The following MYH11 variants were observed in gnomAD, a reference collection of about 807,000 sequenced individuals.
MYH11 encodes the protein myosin-11.
In MYH11, 80 loss-of-function variants were observed where a neutral mutation model predicts 246.6. The observed-to-expected ratio is 0.32, with a 90% CI of 0.27 to 0.39. MYH11 has a LOEUF of 0.39. Among genes scored for constraint, MYH11 ranks in the 10% least tolerant of loss-of-function variants. The probability of loss-of-function intolerance (pLI) is 1.00; values close to 1 mark genes in which losing one functional copy is unlikely to be tolerated. For missense variants in MYH11, 2,158 were observed against 2,546.8 expected (o/e 0.85, Z 3.29); for synonymous variants, 1,071 against 1,015.5 (o/e 1.05, Z -1.04).
intron 4 of MYH11, among the ~76,000 whole-genome samples, chr16:15,787,953 G>A (rs891556237): frequency 6.6e-6 from 1 of 151,920 alleles, no homozygotes; most frequent in Non-Finnish European, 1.5e-5. Context: ...TCTCAGCCAA[G>A]TATCTAAGAA....
At chr16:15,833,027 A>G (rs1168864246) in intron 2 of MYH11, among the ~76,000 whole-genome samples, 2 of 124,608 alleles carry the variant, frequency 1.6e-5, no homozygotes, top group Admixed American at 1.1e-4. Flanking sequence ...CAGTGGCACA[A>G]TATCATGCCT....
rs1376376626 is a variant in MYH11 at position 15,759,598 on chromosome 16, A to G, written c.1379T>C (p.Ile460Thr). 1 of 1,614,144 alleles carries G rather than the reference A, an allele frequency of 6.2e-7. No individual in the cohort carries two copies. Reference protein sequence around the residue: ...QGASFLGILDIAGFEIFEVNS... With the variant: ...QGASFLGILDTAGFEIFEVNS... ...TACCTCAAAGATCTCAAATCCAGCT[A>G]TATCCAGGATCCCCAGGAAGGAAGC... The change falls in exon 12 of 41, where the codon ATA (isoleucine) becomes ACA (threonine). Residue 460 changes from isoleucine (I) to threonine (T), a missense_variant. Ile to Thr is a moderately conservative substitution (Grantham distance 89). Coordinates refer to ENST00000300036, the MANE Select transcript of MYH11 (RefSeq NM_002474.3).
rs561418271 is a variant in MYH11, at chr16:15,827,106, C to A, written c.346-3695G>T. On this transcript the variant is annotated intron_variant, in intron 2 of 40. Transcript: ENST00000300036. ...GTCAACATATGCCTGTCTAAATAGC[C>A]ATCAACCATTTACTGAGCACCTACT... Among the ~76,000 whole-genome samples the A allele has an allele frequency of 2.1e-4, 32 of 152,022 alleles. No individual in the cohort carries two copies. In the East Asian group the frequency reaches 6.0e-3, roughly 28 times the overall value.
chr16:15,762,038 A>G (rs1341090084), intron 10 of MYH11, among the ~76,000 whole-genome samples: 1 of 152,216 alleles, frequency 6.6e-6, no homozygotes. Flanking sequence ...GCAGTGGCAC[A>G]ATCTCGGCGC....
intron 25 of MYH11, 29 bp downstream of exon 25, chr16:15,737,412 TGGACACAC>T: frequency 1.2e-6 from 2 of 1,606,378 alleles, no homozygotes; most frequent in Non-Finnish European, 1.7e-6. Flanking sequence ...AGGGGATACA[TGGACACAC>T]AGCAAATGCC....
rs141548473 is a variant in MYH11, at chr16:15,837,445, T to C, written c.345+463A>G. Among the ~76,000 whole-genome samples, 1,237 of 152,002 alleles carry C rather than the reference T, an allele frequency of 8.1e-3. 6 individuals carry two copies. The highest frequency in any genetic ancestry group is 0.011 in the Non-Finnish European group (736 of 67,992). ...AAAACCAAGGCTTCGAGAGAGGAAA[T>C]AACCTCTTCAAGGGCTGAGATGTGA... On this transcript the variant is annotated intron_variant, in intron 2 of 40. Transcript: ENST00000300036.
chr16:15,710,186 G>A (rs2039699817), intron 40 of MYH11, among the ~76,000 whole-genome samples: 1 of 152,198 alleles, frequency 6.6e-6, no homozygotes. Context: ...AGGCTCAAGT[G>A]TCTGGGGCAG....
intron 16 of MYH11, 81 bp from the exon 17 acceptor site, chr16:15,748,249 A>G: frequency 6.3e-7 from 1 of 1,594,538 alleles, no homozygotes; most frequent in Non-Finnish European, 8.5e-7. Flanking sequence ...TACCTGGATG[A>G]CCCACCTGGC....
chr16:15,802,810 G>A (rs900476839), intron 3 of MYH11, among the ~76,000 whole-genome samples: 8 of 152,108 alleles, frequency 5.3e-5, no homozygotes, highest in African/African-American at 1.9e-4. Flanking sequence ...TTGAGATGAG[G>A]TCATCCTGGC....
rs370512756 is a variant in MYH11 at position 15,741,866 on chromosome 16, C to T, written c.2546G>A (p.Arg849Gln). 1.9e-6 allele frequency: 3 copies of T among 1,614,204 alleles called. No individual in the cohort carries two copies. The highest frequency in any genetic ancestry group is 1.7e-6 in the Non-Finnish European group (2 of 1,180,040). Residue 849 changes from arginine to glutamine, a missense_variant, in exon 21 of 41, where the codon CGG becomes CAG. Arg to Gln is a conservative substitution (Grantham distance 43, BLOSUM62 1). Around this residue, in one of 11 missense-constraint regions of MYH11, gnomAD observed 90 missense variants for 144.2 expected, o/e 0.62. Transcript: ENST00000300036. ...TKVKPLLQVT[R>Q]QEEEMQAKED... Reference sequence around the variant, plus strand: ...CTTGGCCTGCATCTCCTCCTCCTGCCGTGTCACCTGCAGCAGTGGCTTCAC... The same window carrying T: ...CTTGGCCTGCATCTCCTCCTCCTGCTGTGTCACCTGCAGCAGTGGCTTCAC...
At chr16:15,817,521 G>A (rs748152187) in intron 3 of MYH11, among the ~76,000 whole-genome samples, 2 of 152,166 alleles carry the variant, frequency 1.3e-5, no homozygotes, top group East Asian at 1.9e-4. Flanking sequence ...AAAAAAAAAG[G>A]GGGGGAGAAT....
At chr16:15,802,067 T>C (rs1226225454) in intron 3 of MYH11, among the ~76,000 whole-genome samples, 1 of 152,180 alleles carries the variant, frequency 6.6e-6, no homozygotes, top group Admixed American at 6.5e-5. Context: ...CCTGGTTATG[T>C]TTGTGCTATG....
At chr16:15,792,809 C>T (rs1220342380) in intron 4 of MYH11, 3 of 152,006 alleles carry the variant, frequency 2.0e-5, no homozygotes, top group Non-Finnish European at 2.9e-5. Flanking sequence ...GGCTCAGTGC[C>T]AACTTTCTGC....
chr16:15,732,604 G>T lies in MYH11; in HGVS notation c.3611C>A (p.Ala1204Glu). 1.9e-6 allele frequency: 3 copies of T among 1,614,194 alleles called. No homozygotes were observed. Among genetic ancestry groups the T allele is most frequent in the Non-Finnish European group, 2.5e-6 (3 of 1,180,044 alleles). ...AAGCTGCTCTGTGAGCTCCTCCACC[G>T]CCTGTGCGTGTTTCTGCCTCATCTC... ...VQEMRQKHAQ[A>E]VEELTEQLEQ... The change falls in exon 27 of 41, where the codon GCG becomes GAG. Residue 1204 changes from alanine to glutamate, a missense_variant. Transcript: ENST00000300036.
intron 1 of MYH11, among the ~76,000 whole-genome samples, chr16:15,847,009 A>G (rs1036981278): frequency 6.6e-6 from 1 of 152,072 alleles, no homozygotes; most frequent in African/African-American, 2.4e-5. Context: ...TTGCACATCA[A>G]GCGTACTTTT....
chr16:15,711,588 G>T (rs1053469912), intron 40 of MYH11, among the ~76,000 whole-genome samples: 1 of 152,174 alleles, frequency 6.6e-6, no homozygotes, highest in Non-Finnish European at 1.5e-5. Context: ...GGTATTAAAG[G>T]TAGTAAGAGG....
intron 8 of MYH11, 55 bp from the exon 9 acceptor site, chr16:15,771,767 A>G (rs1461085583): frequency 4.4e-6 from 7 of 1,603,778 alleles, no homozygotes; most frequent in Non-Finnish European, 5.1e-6. Context: ...TAATTTCAAC[A>G]TGAGACCGAG....
At chr16:15,851,399 G>C (rs928253752) in intron 1 of MYH11, among the ~76,000 whole-genome samples, 2 of 152,148 alleles carry the variant, frequency 1.3e-5, no homozygotes, top group Non-Finnish European at 2.9e-5. Flanking sequence ...CGCTCTGTAA[G>C]GTGGCATCAC....
intron 1 of MYH11, among the ~76,000 whole-genome samples, chr16:15,843,906 C>A (rs955001461): frequency 6.6e-6 from 1 of 152,006 alleles, no homozygotes; most frequent in Non-Finnish European, 1.5e-5. Flanking sequence ...AGGGTCCCCA[C>A]CACAAGACTG....
Sources: gnomAD v4.1 joint callset for allele counts (sites outside exome capture counted in the v4.1 genomes callset) on GRCh38, gnomAD v4.1.1 for gene constraint, gnomAD v4.1.1 regional missense constraint, MANE v1.5 for transcripts, NCBI Gene and HGNC (gene_info 2026-07-23, HGNC 2026-07-21) for gene names.